ZNF883: variants seen among roughly 807,000 people sequenced by gnomAD.
ZNF883 encodes zinc finger protein 883.
chr9:112,998,120 C>T, exon 1 of ZNF883: 1 of 1,613,848 alleles, frequency 6.2e-7, no homozygotes, highest in South Asian at 1.1e-5. Context: ...AAAGGACTTA[C>T]CACATATTTT....
downstream of ZNF883, among the ~76,000 whole-genome samples, chr9:112,996,176 T>C (rs1029989502): frequency 2.6e-5 from 4 of 152,204 alleles, no homozygotes; most frequent in Non-Finnish European, 5.9e-5. Flanking sequence ...TGTTTTCATT[T>C]ATATTTTTAC....
downstream of ZNF883, among the ~76,000 whole-genome samples, chr9:112,994,717 CT>C (rs1164635123): frequency 6.6e-6 from 1 of 150,734 alleles, no homozygotes; most frequent in Non-Finnish European, 1.5e-5. Context: ...AATGTCACTT[CT>C]TTCTACTATC....
At chr9:112,996,677 G>C (rs1428004622), downstream of ZNF883, among the ~76,000 whole-genome samples, 1 of 149,594 alleles carries the variant, frequency 6.7e-6, no homozygotes, top group Non-Finnish European at 1.5e-5. Flanking sequence ...TGTAGTCCCA[G>C]CTACTCGGGA....
intron 2 of ZNF883, among the ~76,000 whole-genome samples, chr9:113,004,979 ATAATCT>A (rs775672742): frequency 1.8e-4 from 28 of 152,092 alleles, no homozygotes; most frequent in Middle Eastern, 3.2e-3. Flanking sequence ...AATTTAATAA[ATAATCT>A]TAGGATAACT....
downstream of ZNF883, among the ~76,000 whole-genome samples, chr9:112,992,693 T>G (rs1282857880): frequency 6.6e-6 from 1 of 152,134 alleles, no homozygotes; most frequent in African/African-American, 2.4e-5. Flanking sequence ...GGTTCCATTC[T>G]CTCTCAGGTA....
upstream of ZNF883, among the ~76,000 whole-genome samples, chr9:113,001,461 T>C (rs1282277249): frequency 6.6e-6 from 1 of 152,020 alleles, no homozygotes; most frequent in African/African-American, 2.4e-5. Flanking sequence ...TGTGAGAAGA[T>C]AGATAAAGGT....
downstream of ZNF883, among the ~76,000 whole-genome samples, chr9:112,996,048 A>T (rs1828350680): frequency 6.6e-6 from 1 of 151,920 alleles, no homozygotes. Context: ...TTTTTGTTCT[A>T]GTTTTATTGT....
chr9:112,991,123 G>T (rs75916963), intron 1 of ZNF883, among the ~76,000 whole-genome samples: 6,155 of 151,908 alleles, frequency 0.041, 410 homozygotes, highest in African/African-American at 0.14. Flanking sequence ...GTTATTTCTT[G>T]TCTTCTGCTA....
chr9:112,995,223 C>G (rs1411045918), downstream of ZNF883, among the ~76,000 whole-genome samples: 7 of 152,176 alleles, frequency 4.6e-5, no homozygotes, highest in East Asian at 1.3e-3. Context: ...TAAGAGACTT[C>G]TCTCCCTGCC....
At chr9:113,000,673 T>A (rs1469947967), upstream of ZNF883, among the ~76,000 whole-genome samples, 1 of 152,038 alleles carries the variant, frequency 6.6e-6, no homozygotes, top group Non-Finnish European at 1.5e-5. Context: ...GGAAGAATAG[T>A]GGTACTAATG....
chr9:112,992,604 C>T (rs1828313180), downstream of ZNF883, among the ~76,000 whole-genome samples: 1 of 152,132 alleles, frequency 6.6e-6, no homozygotes, highest in Non-Finnish European at 1.5e-5. Context: ...CTCTGGACTT[C>T]CTGAATAAGA....
At chr9:113,005,046 AATAATT>A (rs1052359587) in intron 2 of ZNF883, among the ~76,000 whole-genome samples, 2 of 152,112 alleles carry the variant, frequency 1.3e-5, no homozygotes, top group African/African-American at 4.8e-5. Flanking sequence ...CCTTATGAAA[AATAATT>A]ATAGGTGAAT....
chr9:112,997,429 A>C, exon 1 of ZNF883: 1 of 1,614,050 alleles, frequency 6.2e-7, no homozygotes, highest in South Asian at 1.1e-5. Flanking sequence ...TAAGGTGTGT[A>C]CTTCGACTGA....
intron 1 of ZNF883, among the ~76,000 whole-genome samples, chr9:112,988,935 T>C (rs969684082): frequency 1.3e-5 from 2 of 152,238 alleles, no homozygotes; most frequent in African/African-American, 4.8e-5. Context: ...TGTCTTCTTT[T>C]GAGAAGTGTC....
intron 2 of ZNF883, among the ~76,000 whole-genome samples, chr9:113,009,069 T>C (rs2118628604): frequency 6.6e-6 from 1 of 152,288 alleles, no homozygotes; most frequent in South Asian, 2.1e-4. Flanking sequence ...CTAGCCAGTA[T>C]CCATGTCTGA....
At chr9:113,010,932 G>A (rs906646021) in intron 2 of ZNF883, among the ~76,000 whole-genome samples, 4 of 148,698 alleles carry the variant, frequency 2.7e-5, no homozygotes, top group African/African-American at 9.9e-5. Flanking sequence ...GTTGCAGTGA[G>A]CCAAGATCGT....
downstream of ZNF883, among the ~76,000 whole-genome samples, chr9:112,994,962 T>C (rs950404835): frequency 2.0e-5 from 3 of 152,234 alleles, no homozygotes; most frequent in Non-Finnish European, 2.9e-5. Flanking sequence ...TCGGTAAGAA[T>C]GCTTTGGGTT....
downstream of ZNF883, among the ~76,000 whole-genome samples, chr9:112,996,790 CAAAAAAAAAAAAAAA>C (rs61714600): frequency 2.1e-3 from 112 of 52,094 alleles, no homozygotes; most frequent in Non-Finnish European, 6.8e-4. Context: ...GACTCCGTCT[CAAAAAAAAAAAAAAA>C]AAAAAAAAAA....
chr9:112,992,086 A>AAGTT (rs1828308863), intron 1 of ZNF883, among the ~76,000 whole-genome samples: 1 of 152,178 alleles, frequency 6.6e-6, no homozygotes, highest in Non-Finnish European at 1.5e-5. Context: ...TTTACATTTA[A>AAGTT]AGTTAATATT....
Sources: gnomAD v4.1 joint callset for allele counts (sites outside exome capture counted in the v4.1 genomes callset) on GRCh38, gnomAD v4.1.1 for gene constraint, MANE v1.5 for transcripts, NCBI Gene and HGNC (gene_info 2026-07-23, HGNC 2026-07-21) for gene names.